The following PCDHGA4 variants were observed in gnomAD, a reference collection of about 807,000 sequenced individuals.
PCDHGA4 encodes the protein protocadherin gamma-A4.
PCDHGA4 carries 38 observed loss-of-function variants against 54.6 expected under a neutral mutation model. That is an observed-to-expected ratio of 0.70 (90% CI 0.54 to 0.91). PCDHGA4 has a LOEUF of 0.91. Ranked by LOEUF, PCDHGA4 falls within the 40% of genes least tolerant of loss-of-function variation. The pLI, the probability that PCDHGA4 is intolerant of heterozygous loss-of-function variation, is 0.00. For missense variants in PCDHGA4, 1,298 were observed against 1,220.9 expected (o/e 1.06, Z -0.94); for synonymous variants, 511 against 512.9 (o/e 1.00, Z 0.05).
chr5:141,361,000 A>C, intron 1 of PCDHGA4: 1 of 1,613,524 alleles, frequency 6.2e-7, no homozygotes, highest in Non-Finnish European at 8.5e-7. Flanking sequence ...CGAACAAGTG[A>C]AACACTTTTT....
rs375469126 is a variant in PCDHGA4 at position 141,405,300 on chromosome 5, A to G, written c.2514+47679A>G. 207 of 1,614,206 alleles carry G rather than the reference A, an allele frequency of 1.3e-4. No homozygotes were observed. Among genetic ancestry groups the G allele is most frequent in the Non-Finnish European group, 1.6e-4 (193 of 1,180,010 alleles). On this transcript the variant is annotated intron_variant, in intron 1 of 3. Transcript: ENST00000571252. Reference sequence around the variant, plus strand: ...TATGCAGACACACTCATCAGCCAGCAGAGCTGTGAGAAAAATGAGCCTTTG... The same window carrying G: ...TATGCAGACACACTCATCAGCCAGCGGAGCTGTGAGAAAAATGAGCCTTTG...
Position 141,483,626 on chromosome 5 carries a change from G to A in PCDHGA4, c.2515-11181G>A, listed in dbSNP as rs112905417. On this transcript the variant is annotated intron_variant, in intron 1 of 3. Coordinates refer to ENST00000571252, the MANE Select transcript of PCDHGA4 (RefSeq NM_018917.4). ...TTACACCTCCATCATTCCCATGGGA[G>A]AAGGTATAGAGGGGTGTGTGTTTGT... Among the ~76,000 whole-genome samples the A allele has an allele frequency of 6.0e-4, 90 of 150,886 alleles. 1 individual carries two copies. The highest frequency in any genetic ancestry group is 1.7e-3 in the African/African-American group (69 of 40,378).
rs188953728 is a variant in PCDHGA4, at chr5:141,448,550, T to A, written c.2515-46257T>A. Among the ~76,000 whole-genome samples, 304 of 152,316 alleles carry A rather than the reference T, an allele frequency of 2.0e-3. 1 individual carries two copies. Among genetic ancestry groups the A allele is most frequent in the African/African-American group, 6.6e-3 (275 of 41,578 alleles). On this transcript the variant is annotated intron_variant, in intron 1 of 3. Transcript: ENST00000571252. ...CCTGTCAGCATTTCTTATGCAAATA[T>A]GTACATATATTTTTATTTCCCCATT...
Position 141,491,340 on chromosome 5 carries a change from C to T in PCDHGA4, c.2515-3467C>T, listed in dbSNP as rs772328241. The T allele has an allele frequency of 3.7e-6, 6 of 1,614,144 alleles. No individual in the cohort carries two copies. The Admixed American group carries it at 6.7e-5, about 18-fold the overall frequency. ...TTTACCTCATTGTGGCTCTAGCGAC[C>T]GTCAGTCTCTTATCCCTAGTCACCT... On this transcript the variant is annotated intron_variant, in intron 1 of 3. Transcript: ENST00000571252. This position sits in a 1 kb window ranked among gnomAD's most constrained non-coding sequence, Gnocchi z 6.9.
At chr5:141,372,282 C>G (rs1163647309) in intron 1 of PCDHGA4, 3 of 1,613,202 alleles carry the variant, frequency 1.9e-6, no homozygotes, top group East Asian at 2.2e-5. Flanking sequence ...GCGCACGGCG[C>G]GTACCTTGGG....
At chr5:141,411,489 T>C (rs1229059443) in intron 1 of PCDHGA4, 1 of 152,090 alleles carries the variant, frequency 6.6e-6, no homozygotes, top group Non-Finnish European at 1.5e-5. Context: ...GAGGCTGAGC[T>C]GGGTGGATTG....
intron 1 of PCDHGA4, chr5:141,433,288 G>A (rs2097582001): frequency 5.3e-6 from 6 of 1,136,424 alleles, no homozygotes; most frequent in Non-Finnish European, 7.5e-6. Flanking sequence ...CAAACTCCTA[G>A]GCTCAAGCAA....
Position 141,510,985 on chromosome 5 carries a change from G to A in PCDHGA4, c.2701G>A (p.Gly901Ser), listed in dbSNP as rs1278517639. Residue 901 changes from glycine to serine, a missense_variant, in exon 4 of 4, where the codon GGC becomes AGC. Transcript: ENST00000571252. ...DGSSTLGGGA[G>S]TMGLSARYGP... ...GAGCTCCACCCTGGGAGGGGGTGCCGGCACCATGGGATTGAGCGCCCGCTA... is the reference window on the plus strand; with the variant it reads ...GAGCTCCACCCTGGGAGGGGGTGCCAGCACCATGGGATTGAGCGCCCGCTA... 19 of 1,614,090 alleles carry A rather than the reference G, an allele frequency of 1.2e-5. No individual in the cohort carries two copies. The highest frequency in any genetic ancestry group is 2.2e-5 in the East Asian group (1 of 44,880).
intron 1 of PCDHGA4, chr5:141,394,313 C>G: frequency 6.2e-7 from 1 of 1,614,022 alleles, no homozygotes; most frequent in Non-Finnish European, 8.5e-7. Flanking sequence ...AGGGGGCGCC[C>G]CTGTCCTCGT....
chr5:141,408,972 C>T, intron 1 of PCDHGA4: 8 of 1,613,870 alleles, frequency 5.0e-6, no homozygotes, highest in Non-Finnish European at 5.9e-6. Flanking sequence ...AATCTGCCCC[C>T]TGGGTCCCCT....
intron 1 of PCDHGA4, chr5:141,478,565 T>C (rs772519746): frequency 1.6e-5 from 25 of 1,593,862 alleles, no homozygotes; most frequent in Non-Finnish European, 2.0e-5. Flanking sequence ...TAGCAAGTCA[T>C]GCTTGACCCT....
In PCDHGA4 at chr5:141,361,401, C is replaced by T; in HGVS notation, c.2514+3780C>T. ...AGATCCCAGAATACAATCTCACCAT[C>T]ACAGCCACCGACGGGGGCAAGCCGC... On this transcript the variant is annotated intron_variant, in intron 1 of 3. Transcript: ENST00000571252. 5 of 1,614,008 alleles carry T rather than the reference C, an allele frequency of 3.1e-6. No homozygotes were observed. In the South Asian group the frequency reaches 4.4e-5, roughly 14 times the overall value.
chr5:141,409,657 C>T (rs13184346), intron 1 of PCDHGA4: 1 of 1,613,620 alleles, frequency 6.2e-7, no homozygotes, highest in Non-Finnish European at 8.5e-7. Context: ...GGCTCAATGG[C>T]CACATCTCCT....
At chr5:141,501,287 T>C (rs1025193070) in intron 2 of PCDHGA4, among the ~76,000 whole-genome samples, 1 of 96,980 alleles carries the variant, frequency 1.0e-5, no homozygotes, top group African/African-American at 4.2e-5. Context: ...GGATATTCCC[T>C]TATACACACA....
At position 141,502,487 on chromosome 5, in the gene PCDHGA4, C is replaced by T. The variant is rs563658817; in HGVS notation, c.2574-2906C>T. ...TACTTCCCGCAGCATCACACTGGGACTCATCTAACGTCGGCCTGTCCCACT... is the reference window on the plus strand; with the variant it reads ...TACTTCCCGCAGCATCACACTGGGATTCATCTAACGTCGGCCTGTCCCACT... On this transcript the variant is annotated intron_variant, in intron 2 of 3. Coordinates refer to ENST00000571252, the MANE Select transcript of PCDHGA4 (RefSeq NM_018917.4). Among the ~76,000 whole-genome samples, 92 of 152,298 alleles carry T rather than the reference C, an allele frequency of 6.0e-4. 3 individuals are homozygous for T. The highest frequency in any genetic ancestry group is 1.5e-4 in the Non-Finnish European group (10 of 68,030).
In PCDHGA4 at chr5:141,355,126, C is replaced by G. The variant is rs1237707047; in HGVS notation, c.19C>G (p.Pro7Ala). 10 of 1,516,436 alleles carry G rather than the reference C, an allele frequency of 6.6e-6. No homozygotes were observed. Among genetic ancestry groups the G allele is most frequent in the African/African-American group, 4.2e-5 (3 of 71,600 alleles). The allele number at this position is 1,516,436 out of a possible 1,614,324, so 93.9% of individuals were successfully genotyped here. The change falls in exon 1 of 4, where the codon CCA becomes GCA. Residue 7 changes from proline to alanine, a missense_variant. Transcript: ENST00000571252. ...GCTGTGAATGCACTTTATTTTGGACCCAGAAGATCCTGGGGCTCCTCAGGC... is the reference window on the plus strand; with the variant it reads ...GCTGTGAATGCACTTTATTTTGGACGCAGAAGATCCTGGGGCTCCTCAGGC... Reference protein sequence around the residue: MHFILDPEDPGAPQAST... With the variant: MHFILDAEDPGAPQAST...
At chr5:141,441,871 G>A (rs1020432020) in intron 1 of PCDHGA4, 3 of 340,480 alleles carry the variant, frequency 8.8e-6, no homozygotes, top group Admixed American at 8.1e-5. Context: ...CGCGGAGCCT[G>A]GCTACCTGGT....
chr5:141,510,854 T>A, intron 3 of PCDHGA4, 93 bp from the exon 4 acceptor site: 1 of 1,602,320 alleles, frequency 6.2e-7, no homozygotes, highest in East Asian at 2.2e-5. Context: ...CCCAGGGTGC[T>A]GTATAGGCAT....
intron 1 of PCDHGA4, chr5:141,384,849 TC>T (rs2047512750): frequency 6.2e-7 from 1 of 1,613,452 alleles, no homozygotes; most frequent in East Asian, 2.2e-5. Flanking sequence ...AGGACCACGG[TC>T]AGCCTCCTCT....
Sources: allele counts gnomAD v4.1 joint callset (sites outside exome capture counted in the v4.1 genomes callset), GRCh38; gene constraint gnomAD v4.1.1; non-coding constraint Gnocchi (gnomAD v3.1); transcripts MANE v1.5; gene names NCBI Gene and HGNC (gene_info 2026-07-23, HGNC 2026-07-21).